The following OPRD1 variants were observed in gnomAD, a reference collection of about 807,000 sequenced individuals.
The protein encoded by OPRD1 is opioid receptor delta 1.
In OPRD1, 19 loss-of-function variants were observed where a neutral mutation model predicts 17.5. That is an observed-to-expected ratio of 1.09 (90% CI 0.76 to 1.60). The LOEUF (loss-of-function observed/expected upper bound fraction) is 1.60, where lower values mean the gene tolerates loss of function less well. Among genes scored for constraint, OPRD1 ranks in the 40% most tolerant of loss-of-function variants. OPRD1 has a pLI of 0.00. For synonymous variants in OPRD1, 256 were observed against 240.9 expected (o/e 1.06, Z -0.58); for missense variants, 483 against 547.2 (o/e 0.88, Z 1.17).
intron 1 of OPRD1, among the ~76,000 whole-genome samples, chr1:28,852,652 G>C (rs1428593131): frequency 6.6e-6 from 1 of 152,122 alleles, no homozygotes; most frequent in Non-Finnish European, 1.5e-5. Flanking sequence ...TTGCACTCCA[G>C]CCTGGACGAC....
At chr1:28,839,650 G>A (rs553084674) in intron 1 of OPRD1, among the ~76,000 whole-genome samples, 1 of 152,170 alleles carries the variant, frequency 6.6e-6, no homozygotes, top group South Asian at 2.1e-4. Context: ...TTGATTTTAG[G>A]TCTCTTGCCC....
At chr1:28,817,897 C>T (rs1025006244) in intron 1 of OPRD1, among the ~76,000 whole-genome samples, 10 of 69,760 alleles carry the variant, frequency 1.4e-4, no homozygotes, top group South Asian at 7.0e-4. Context: ...TAGAGATGGG[C>T]GGGGCGGGGG....
In OPRD1 at chr1:28,812,512, C is replaced by G; in HGVS notation, c.129C>G (p.Ala43=). 1 of 1,572,960 alleles carries G rather than the reference C, an allele frequency of 6.4e-7. No individual in the cohort carries two copies. Among genetic ancestry groups the G allele is most frequent in the Non-Finnish European group, 8.6e-7 (1 of 1,167,844 alleles). Residue 43 remains alanine, a synonymous_variant, in exon 1 of 3, where the codon GCC becomes GCG. Transcript: ENST00000234961. ...NASGPPGARS[A]SSLALAIAIT... ...CGGGGCCGCCAGGCGCGCGGAGCGC[C>G]TCGTCCCTCGCCCTGGCAATCGCCA...
Position 28,862,821 on chromosome 1 carries a change from C to T in OPRD1, c.657C>T (p.Leu219=), listed in dbSNP as rs149290384. Residue 219 remains leucine (L), a synonymous_variant, in exon 3 of 3, where the codon CTC becomes CTT. Coordinates refer to ENST00000234961, the MANE Select transcript of OPRD1 (RefSeq NM_000911.4). ...WDTVTKICVF[L]FAFVVPILII... is the part of the protein sequence containing the mutation. ...CGGTGACCAAGATCTGCGTGTTCCT[C>T]TTCGCCTTCGTGGTGCCCATCCTCA... The T allele has an allele frequency of 7.9e-5, 128 of 1,613,378 alleles. No homozygotes were observed. Among genetic ancestry groups the T allele is most frequent in the Non-Finnish European group, 1.0e-4 (123 of 1,180,032 alleles).
At chr1:28,844,615 T>C (rs1339419615) in intron 1 of OPRD1, among the ~76,000 whole-genome samples, 1 of 152,172 alleles carries the variant, frequency 6.6e-6, no homozygotes, top group Non-Finnish European at 1.5e-5. Context: ...AATTAACTTA[T>C]TTGCTTTTGG....
chr1:28,817,773 CG>C (rs1429788997), intron 1 of OPRD1, among the ~76,000 whole-genome samples: 2 of 151,320 alleles, frequency 1.3e-5, no homozygotes, highest in Admixed American at 6.6e-5. Flanking sequence ...GGTGTGATCT[CG>C]GCTCACTGCA....
At chr1:28,814,253 C>G (rs966329209) in intron 1 of OPRD1, among the ~76,000 whole-genome samples, 4 of 152,162 alleles carry the variant, frequency 2.6e-5, no homozygotes, top group African/African-American at 9.7e-5. Flanking sequence ...TTGGATGAAT[C>G]ACTTAGCCTC....
At chr1:28,845,212 G>A (rs1003725702) in intron 1 of OPRD1, among the ~76,000 whole-genome samples, 1 of 151,908 alleles carries the variant, frequency 6.6e-6, no homozygotes, top group Non-Finnish European at 1.5e-5. Flanking sequence ...GGCCAGGCAC[G>A]GTGGCTCATG....
intron 1 of OPRD1, among the ~76,000 whole-genome samples, chr1:28,846,888 TTCTTTTCTC>T (rs1415737951): frequency 1.7e-5 from 1 of 57,268 alleles, no homozygotes; most frequent in African/African-American, 3.8e-5. Context: ...CTTTCTTTCT[TTCTTTTCTC>T]TTTCTTTCTT....
At chr1:28,852,123 C>T (rs188844112) in intron 1 of OPRD1, among the ~76,000 whole-genome samples, 416 of 136,970 alleles carry the variant, frequency 3.0e-3, no homozygotes, top group Middle Eastern at 0.012. Flanking sequence ...GCCGAGATCA[C>T]GCAACTGCCC....
chr1:28,848,345 A>G (rs1569639110), intron 1 of OPRD1, among the ~76,000 whole-genome samples: 1 of 151,960 alleles, frequency 6.6e-6, no homozygotes, highest in South Asian at 2.1e-4. Flanking sequence ...TTCATAGCAC[A>G]CCTCCTCAGA....
At chr1:28,831,001 A>C (rs138100654) in intron 1 of OPRD1, among the ~76,000 whole-genome samples, 1 of 152,350 alleles carries the variant, frequency 6.6e-6, no homozygotes, top group African/African-American at 2.4e-5. Context: ...TCCTGGCCCC[A>C]CCAGATGCTG....
chr1:28,838,310 C>T (rs1198359770), intron 1 of OPRD1, among the ~76,000 whole-genome samples: 2 of 152,216 alleles, frequency 1.3e-5, no homozygotes, highest in Non-Finnish European at 2.9e-5. Flanking sequence ...CCTTTAGCCT[C>T]AGCCACCTTG....
intron 2 of OPRD1, among the ~76,000 whole-genome samples, chr1:28,860,190 C>T (rs1284528894): frequency 2.0e-5 from 3 of 152,032 alleles, no homozygotes; most frequent in African/African-American, 7.2e-5. Flanking sequence ...CACGGTGAAA[C>T]CCTATCTTTA....
At chr1:28,845,488 A>T (rs2088932120) in intron 1 of OPRD1, among the ~76,000 whole-genome samples, 1 of 152,032 alleles carries the variant, frequency 6.6e-6, no homozygotes, top group Admixed American at 6.6e-5. Context: ...CAAAAAAAAA[A>T]AAAAAAATTG....
At position 28,812,461 on chromosome 1, in the gene OPRD1, C is replaced by A. The variant is rs765633338; in HGVS notation, c.78C>A (p.Ala26=). The stretch of plus-strand genomic sequence containing the variant: ...ACGCCTCGGACGCCTACCCTAGCGC[C>A]TGCCCCAGCGCTGGCGCCAATGCGT... ...FANASDAYPS[A]CPSAGANASG... is the part of the protein sequence containing the mutation. Residue 26 remains alanine, a synonymous_variant, in exon 1 of 3, where the codon GCC becomes GCA. Transcript: ENST00000234961. 9 of 1,522,078 alleles carry A rather than the reference C, an allele frequency of 5.9e-6. No homozygotes were observed. The South Asian group carries it at 9.7e-5, about 16-fold the overall frequency. 94.3% of individuals were successfully genotyped at this position (1,522,078 alleles called of 1,614,324 possible).
intron 1 of OPRD1, among the ~76,000 whole-genome samples, chr1:28,840,274 G>C (rs204050): frequency 0.029 from 4,488 of 152,228 alleles, 201 homozygotes; most frequent in African/African-American, 0.1. Context: ...ATATATATGA[G>C]ATAGAGTCTC....
chr1:28,856,341 G>C (rs902238652), intron 1 of OPRD1, among the ~76,000 whole-genome samples: 1 of 152,220 alleles, frequency 6.6e-6, no homozygotes, highest in Non-Finnish European at 1.5e-5. Flanking sequence ...TAAAGATGAA[G>C]ATTCCCAGGC....
rs570687816 is a variant in OPRD1, at chr1:28,840,692, T to C, written c.228-18262T>C. Among the ~76,000 whole-genome samples the C allele has an allele frequency of 1.7e-4, 26 of 152,144 alleles. No individual in the cohort carries two copies. The South Asian group carries it at 2.7e-3, about 16-fold the overall frequency. On this transcript the variant is annotated intron_variant, in intron 1 of 2. Coordinates refer to ENST00000234961, the MANE Select transcript of OPRD1 (RefSeq NM_000911.4). ...ATCCCAGCACTTTAGGAGGCCAAAGTGGGTGGATCACTTGAGGTCAGGAGT... is the reference window on the plus strand; with the variant it reads ...ATCCCAGCACTTTAGGAGGCCAAAGCGGGTGGATCACTTGAGGTCAGGAGT...
Sources: allele counts gnomAD v4.1 joint callset (sites outside exome capture counted in the v4.1 genomes callset), GRCh38; gene constraint gnomAD v4.1.1; transcripts MANE v1.5; gene names NCBI Gene and HGNC (gene_info 2026-07-23, HGNC 2026-07-21).